Variants in LPP observed in about 807,000 individuals in gnomAD.
The protein encoded by LPP is lipoma-preferred partner.
Under a neutral mutation model 60.4 loss-of-function variants are expected in LPP, and 38 were observed. The observed-to-expected ratio is 0.63, with a 90% CI of 0.49 to 0.83. The LOEUF is 0.83. Among genes scored for constraint, LPP ranks in the 40% least tolerant of loss-of-function variants. The probability of loss-of-function intolerance (pLI) is 0.00; values close to 1 mark genes in which losing one functional copy is unlikely to be tolerated. For missense variants in LPP, 902 were observed against 783.6 expected (o/e 1.15, Z -1.80); for synonymous variants, 328 against 290.8 (o/e 1.13, Z -1.30).
chr3:188,719,286 G>T (rs1458907243), intron 8 of LPP, among the ~76,000 whole-genome samples: 1 of 152,154 alleles, frequency 6.6e-6, no homozygotes, highest in African/African-American at 2.4e-5. Context: ...GGATTGGATG[G>T]ATAGGGCATC....
rs118179178 is a variant in LPP, at chr3:188,706,402, G to A, written c.1114-1865G>A. On this transcript the variant is annotated intron_variant, in intron 7 of 11. Coordinates refer to ENST00000617246, the MANE Select transcript of LPP (RefSeq NM_001375462.1). ...TCTCTAATCCAAATTGTTCAACAAT[G>A]CAATAAAGTCTCAGGCTAAGGTTAG... is the stretch of plus-strand genomic sequence containing the variant. Among the ~76,000 whole-genome samples, 114 of 152,260 alleles carry A rather than the reference G, an allele frequency of 7.5e-4. No individual in the cohort carries two copies. In the East Asian group the frequency reaches 0.019, roughly 25 times the overall value.
chr3:188,247,854 A>G (rs1727565006), intron 2 of LPP, among the ~76,000 whole-genome samples: 1 of 152,078 alleles, frequency 6.6e-6, no homozygotes, highest in Admixed American at 6.6e-5. Context: ...ACTGTAAAGC[A>G]GCAGAGGATT....
chr3:188,773,914 C>A (rs537919024), intron 9 of LPP, among the ~76,000 whole-genome samples: 2 of 152,246 alleles, frequency 1.3e-5, no homozygotes, highest in Admixed American at 6.5e-5. Context: ...AGACCTGTCC[C>A]AATGTGTCAT....
intron 1 of LPP, among the ~76,000 whole-genome samples, chr3:188,184,865 C>G (rs537771476): frequency 6.6e-6 from 1 of 151,914 alleles, no homozygotes; most frequent in Non-Finnish European, 1.5e-5. Flanking sequence ...GGGGGACTGG[C>G]TGGTGTAGGT....
chr3:188,240,158 T>C (rs1723491003), intron 2 of LPP: 1 of 186,926 alleles, frequency 5.3e-6, no homozygotes, highest in African/African-American at 2.3e-5. Context: ...GGATCTCATC[T>C]CAAGGTGGGG....
At chr3:188,486,030 G>A (rs1341921719) in intron 5 of LPP, among the ~76,000 whole-genome samples, 5 of 151,822 alleles carry the variant, frequency 3.3e-5, no homozygotes, top group Admixed American at 2.6e-4. Flanking sequence ...TTGTTTTACA[G>A]TATTATTTTT....
chr3:188,628,849 A>G (rs1847337816), intron 7 of LPP, among the ~76,000 whole-genome samples: 1 of 152,198 alleles, frequency 6.6e-6, no homozygotes, highest in Non-Finnish European at 1.5e-5. Context: ...AGACACAAAA[A>G]TCTTCAACAA....
At chr3:188,410,466 A>G in intron 4 of LPP, among the ~76,000 whole-genome samples, 1 of 152,280 alleles carries the variant, frequency 6.6e-6, no homozygotes, top group African/African-American at 2.4e-5. Flanking sequence ...CCATATTTAT[A>G]ATTTCTTTTA....
At chr3:188,872,908 T>G in intron 11 of LPP, 145 bp downstream of exon 11, 2 of 1,031,084 alleles carry the variant, frequency 1.9e-6, no homozygotes, top group Non-Finnish European at 2.8e-6. Flanking sequence ...GATTTGACAC[T>G]AGTATTCCGA....
chr3:188,686,988 T>C (rs1860889638), intron 7 of LPP, among the ~76,000 whole-genome samples: 1 of 152,226 alleles, frequency 6.6e-6, no homozygotes, highest in South Asian at 2.1e-4. Context: ...CTGGTATGTG[T>C]GTGCTCAAGT....
chr3:188,541,965 G>C (rs934435079), intron 6 of LPP, among the ~76,000 whole-genome samples: 14 of 152,084 alleles, frequency 9.2e-5, no homozygotes, highest in African/African-American at 3.4e-4. Context: ...CATGATGTTT[G>C]ATATATGTAT....
chr3:188,711,522 C>T (rs1021370697), intron 8 of LPP: 4 of 152,034 alleles, frequency 2.6e-5, no homozygotes, highest in African/African-American at 9.7e-5. Flanking sequence ...TGGAGATTAG[C>T]TTTGGACAGA....
chr3:188,694,869 T>A (rs1291805481), intron 7 of LPP, among the ~76,000 whole-genome samples: 2 of 152,224 alleles, frequency 1.3e-5, no homozygotes, highest in Non-Finnish European at 2.9e-5. Flanking sequence ...AAGGTTCTTT[T>A]GATAGTTCAA....
chr3:188,828,781 C>T (rs1756356702), intron 9 of LPP, among the ~76,000 whole-genome samples: 1 of 151,940 alleles, frequency 6.6e-6, no homozygotes, highest in Non-Finnish European at 1.5e-5. Context: ...TGAGATGACA[C>T]ATGTAACACA....
At chr3:188,836,166 G>GT (rs1758398178) in intron 9 of LPP, among the ~76,000 whole-genome samples, 1 of 152,218 alleles carries the variant, frequency 6.6e-6, no homozygotes, top group South Asian at 2.1e-4. Flanking sequence ...AATGAAAAAT[G>GT]TATCGACTGC....
chr3:188,786,346 G>A (rs1289125358), intron 9 of LPP, among the ~76,000 whole-genome samples: 1 of 126,120 alleles, frequency 7.9e-6, no homozygotes, highest in Admixed American at 9.8e-5. Flanking sequence ...GCATGCCACT[G>A]CACTCCAGCC....
chr3:188,288,803 C>A lies in LPP; in HGVS notation c.-66-52860C>A, dbSNP rs139129685. On this transcript the variant is annotated intron_variant, in intron 2 of 11. Coordinates refer to ENST00000617246, the MANE Select transcript of LPP (RefSeq NM_001375462.1). ...AGCCTCTTAAAATCAATCTCTCTCT[C>A]TCTCTCCACCCCCCACCCCCCACCC... Among the ~76,000 whole-genome samples the A allele has an allele frequency of 9.7e-3, 1,055 of 108,546 alleles. 139 individuals carry two copies. In the East Asian group the frequency reaches 0.23, roughly 23 times the overall value. 71.2% of individuals were successfully genotyped at this position (108,546 alleles called of 152,430 possible).
Position 188,534,579 on chromosome 3 carries a change from G to A in LPP, c.429+9792G>A, listed in dbSNP as rs1187456995. On this transcript the variant is annotated intron_variant, in intron 6 of 11. Transcript: ENST00000617246. ...TTTCTTTTCTTTTCTGATTTAAAAA[G>A]CAAATAAACAAGAAAACACAAGTCT... Among the ~76,000 whole-genome samples the A allele has an allele frequency of 2.0e-5, 3 of 152,044 alleles. No individual in the cohort carries two copies. In the East Asian group the frequency reaches 5.8e-4, roughly 29 times the overall value.
chr3:188,398,009 G>T (rs768939662), intron 3 of LPP, among the ~76,000 whole-genome samples: 1 of 152,106 alleles, frequency 6.6e-6, no homozygotes, highest in African/African-American at 2.4e-5. Flanking sequence ...CTGAAATGCC[G>T]CTGAGTTTTT....
Sources: gnomAD v4.1 joint callset for allele counts (sites outside exome capture counted in the v4.1 genomes callset) on GRCh38, gnomAD v4.1.1 for gene constraint, MANE v1.5 for transcripts, NCBI Gene and HGNC (gene_info 2026-07-23, HGNC 2026-07-21) for gene names.